KCNG3: variants seen among roughly 807,000 people sequenced by gnomAD.
The protein encoded by KCNG3 is potassium voltage-gated channel modifier subfamily G member 3, also known as voltage-gated potassium channel regulatory subunit KCNG3.
A neutral mutation model predicts 29.0 loss-of-function variants in KCNG3; 15 were observed. The observed-to-expected ratio is 0.52, with a 90% CI of 0.35 to 0.80. The LOEUF is 0.80. Among genes scored for constraint, KCNG3 ranks in the 30% least tolerant of loss-of-function variants. The pLI is 0.01. For synonymous variants in KCNG3, 322 were observed against 248.9 expected, an observed-to-expected ratio of 1.29 and a Z score of -2.76; for missense variants, 512 against 605.7, an observed-to-expected ratio of 0.85 and a Z score of 1.62.
chr2:42,400,788 T>A, the KCNG3 span, among the ~76,000 whole-genome samples: 1 of 152,152 alleles, frequency 6.6e-6, no homozygotes, highest in South Asian at 2.1e-4. Flanking sequence ...AAATGGGTTT[T>A]TTTTTTCCCC....
At chr2:42,467,156 G>A (rs948625281) in intron 1 of KCNG3, among the ~76,000 whole-genome samples, 2 of 152,008 alleles carry the variant, frequency 1.3e-5, no homozygotes, top group African/African-American at 4.8e-5. Flanking sequence ...AAATGAATCA[G>A]ACCAAAATTT....
chr2:42,447,671 C>T (rs1437667254), intron 1 of KCNG3, among the ~76,000 whole-genome samples: 2 of 152,016 alleles, frequency 1.3e-5, no homozygotes, highest in African/African-American at 4.8e-5. Context: ...CGTACCACCA[C>T]ACTTGGTTAA....
chr2:42,486,361 C>T (rs1673726780), intron 1 of KCNG3, among the ~76,000 whole-genome samples: 1 of 152,246 alleles, frequency 6.6e-6, no homozygotes, highest in African/African-American at 2.4e-5. Flanking sequence ...TCCATATGCT[C>T]TCAGCTGCCA....
intron 1 of KCNG3, 56 bp downstream of exon 1, chr2:42,492,781 G>C (rs574548478): frequency 3.6e-6 from 5 of 1,372,998 alleles, no homozygotes; most frequent in Non-Finnish European, 4.7e-6. Flanking sequence ...ACGTATGGAC[G>C]GGACGGACAG....
At chr2:42,409,762 C>T in the KCNG3 span, among the ~76,000 whole-genome samples, 13 of 147,790 alleles carry the variant, frequency 8.8e-5, no homozygotes, top group Non-Finnish European at 1.6e-4. Context: ...AAAAAGCTCG[C>T]GCTCCCACCC....
At chr2:42,477,526 C>G (rs998484602) in intron 1 of KCNG3, among the ~76,000 whole-genome samples, 4 of 148,214 alleles carry the variant, frequency 2.7e-5, no homozygotes, top group Non-Finnish European at 5.9e-5. Context: ...CTCCCGGGTT[C>G]ACGCCGTTCT....
At chr2:42,447,887 A>G (rs1244758630) in intron 1 of KCNG3, among the ~76,000 whole-genome samples, 2 of 152,120 alleles carry the variant, frequency 1.3e-5, no homozygotes, top group Non-Finnish European at 2.9e-5. Flanking sequence ...CTGTAGAATA[A>G]ATCTGAGACT....
At chr2:42,403,937 TTC>T in the KCNG3 span, among the ~76,000 whole-genome samples, 1 of 152,192 alleles carries the variant, frequency 6.6e-6, no homozygotes, top group Non-Finnish European at 1.5e-5. Flanking sequence ...TTTAACTTTC[TTC>T]TGTTTTACTC....
chr2:42,486,238 C>T (rs1439304017), intron 1 of KCNG3, among the ~76,000 whole-genome samples: 5 of 152,316 alleles, frequency 3.3e-5, no homozygotes, highest in African/African-American at 1.2e-4. Flanking sequence ...ATATCTCATA[C>T]ACTCTCCTAG....
the KCNG3 span, among the ~76,000 whole-genome samples, chr2:42,418,422 T>A: frequency 1.3e-5 from 2 of 152,290 alleles, no homozygotes; most frequent in African/African-American, 4.8e-5. Flanking sequence ...CCCAAAAACA[T>A]ACTATTAGAG....
the KCNG3 span, among the ~76,000 whole-genome samples, chr2:42,398,256 T>TAAAC: frequency 9.4e-6 from 1 of 106,212 alleles, no homozygotes; most frequent in Non-Finnish European, 2.0e-5. Flanking sequence ...AATAAATAAA[T>TAAAC]AAATAAATAA....
the KCNG3 span, chr2:42,424,767 G>C: frequency 1.3e-5 from 2 of 152,024 alleles, no homozygotes; most frequent in Admixed American, 1.3e-4. Flanking sequence ...TGTTTTTATG[G>C]TTTATGCCCA....
chr2:42,456,534 T>G (rs1672877398), intron 1 of KCNG3, among the ~76,000 whole-genome samples: 1 of 152,058 alleles, frequency 6.6e-6, no homozygotes, highest in African/African-American at 2.4e-5. Context: ...AAAAAAAGAT[T>G]TGTGACCATT....
chr2:42,448,771 T>C (rs768640246), intron 1 of KCNG3, among the ~76,000 whole-genome samples: 1 of 151,956 alleles, frequency 6.6e-6, no homozygotes, highest in African/African-American at 2.4e-5. Context: ...GGGCGGATCA[T>C]GAGGTCAAGA....
At chr2:42,445,076 A>ATT (rs1672567189) in intron 1 of KCNG3, among the ~76,000 whole-genome samples, 3 of 148,744 alleles carry the variant, frequency 2.0e-5, no homozygotes, top group African/African-American at 7.4e-5. Flanking sequence ...CAAAAATTAA[A>ATT]AAAAAAAAAA....
the KCNG3 span, among the ~76,000 whole-genome samples, chr2:42,416,308 T>C: frequency 2.6e-5 from 4 of 152,148 alleles, no homozygotes; most frequent in Non-Finnish European, 5.9e-5. Context: ...CAATAATATA[T>C]TGTATATTTC....
chr2:42,492,848 C>T lies in KCNG3; in HGVS notation c.654G>A (p.Arg218=), dbSNP rs748038240. ...DRSRYSAGPG[R]EPSGIIEAIC... ...GCAGTGCGTCCTACCCGGAGGGCTCCCTCCCAGGGCCGGCGGAGTACCTGC... is the reference window on the plus strand; with the variant it reads ...GCAGTGCGTCCTACCCGGAGGGCTCTCTCCCAGGGCCGGCGGAGTACCTGC... Residue 218 remains arginine, a synonymous_variant, in exon 1 of 2, where the codon AGG becomes AGA. Transcript: ENST00000306078. 2.7e-6 allele frequency: 4 copies of T among 1,498,534 alleles called. No individual in the cohort carries two copies. The African/African-American group carries it at 4.4e-5, about 16-fold the overall frequency. The allele number at this position is 1,498,534 out of a possible 1,614,324, so 92.8% of individuals were successfully genotyped here.
intron 1 of KCNG3, among the ~76,000 whole-genome samples, chr2:42,448,346 TA>T (rs1282173471): frequency 3.6e-4 from 8 of 22,216 alleles, no homozygotes. Flanking sequence ...ACTTCCCACT[TA>T]TTTATTTATT....
At chr2:42,465,733 T>C (rs1673125875) in intron 1 of KCNG3, among the ~76,000 whole-genome samples, 2 of 152,206 alleles carry the variant, frequency 1.3e-5, no homozygotes, top group Admixed American at 1.3e-4. Context: ...CACATTTATC[T>C]GACAAAGGAC....
Sources: gnomAD v4.1 joint callset for allele counts (sites outside exome capture counted in the v4.1 genomes callset) on GRCh38, gnomAD v4.1.1 for gene constraint, MANE v1.5 for transcripts, NCBI Gene and HGNC (gene_info 2026-07-23, HGNC 2026-07-21) for gene names.